FHIT: variants seen among roughly 807,000 people sequenced by gnomAD.
FHIT encodes bis(5'-adenosyl)-triphosphatase.
In FHIT, 19 loss-of-function variants were observed where a neutral mutation model predicts 17.9. That is an observed-to-expected ratio of 1.06 (90% CI 0.74 to 1.56). The LOEUF is 1.56. Among genes scored for constraint, FHIT ranks in the 40% most tolerant of loss-of-function variants. The pLI, the probability that FHIT is intolerant of heterozygous loss-of-function variation, is 0.00. For missense variants in FHIT, 248 were observed against 189.2 expected (o/e 1.31, Z -1.82); for synonymous variants, 81 against 69.7 (o/e 1.16, Z -0.81).
At chr3:59,769,392 G>C (rs758139201) in intron 8 of FHIT, among the ~76,000 whole-genome samples, 3 of 152,162 alleles carry the variant, frequency 2.0e-5, no homozygotes, top group Non-Finnish European at 4.4e-5. Flanking sequence ...GTGGGAACCT[G>C]CATCCCACCC....
chr3:60,795,718 T>A (rs1369261894), intron 4 of FHIT, among the ~76,000 whole-genome samples: 2 of 152,140 alleles, frequency 1.3e-5, no homozygotes, highest in Non-Finnish European at 2.9e-5. Flanking sequence ...TTTCACCATG[T>A]TACCCAGCCT....
chr3:59,808,052 G>T (rs975317873), intron 8 of FHIT, among the ~76,000 whole-genome samples: 3 of 151,998 alleles, frequency 2.0e-5, no homozygotes, highest in African/African-American at 7.3e-5. Context: ...TATCCCGAAG[G>T]GAAACCCTGC....
At chr3:60,493,226 G>C (rs1438708064) in intron 5 of FHIT, among the ~76,000 whole-genome samples, 2 of 152,186 alleles carry the variant, frequency 1.3e-5, no homozygotes, top group Non-Finnish European at 2.9e-5. Context: ...AGGACAAAAA[G>C]TGCCTATGAC....
chr3:61,132,429 A>C (rs546822389), intron 2 of FHIT, among the ~76,000 whole-genome samples: 1 of 152,352 alleles, frequency 6.6e-6, no homozygotes, highest in Non-Finnish European at 1.5e-5. Context: ...TGAGCACAAC[A>C]TAATCTTGGT....
At chr3:59,948,845 T>TCC (rs567802067) in intron 7 of FHIT, among the ~76,000 whole-genome samples, 1 of 152,122 alleles carries the variant, frequency 6.6e-6, no homozygotes, top group African/African-American at 2.4e-5. Flanking sequence ...GTTTTTTTTT[T>TCC]CCCCACAGTT....
intron 5 of FHIT, among the ~76,000 whole-genome samples, chr3:60,125,737 A>C (rs1172332593): frequency 6.6e-6 from 1 of 152,114 alleles, no homozygotes; most frequent in East Asian, 1.9e-4. Context: ...GTACTTACAA[A>C]ATGGGAGGAG....
At chr3:60,211,382 T>C (rs188873537) in intron 5 of FHIT, among the ~76,000 whole-genome samples, 189 of 152,198 alleles carry the variant, frequency 1.2e-3, no homozygotes, top group South Asian at 2.3e-3. Flanking sequence ...AAGGGAGATA[T>C]AGAAGTTATA....
At chr3:60,162,847 T>A (rs1700999796) in intron 5 of FHIT, among the ~76,000 whole-genome samples, 1 of 152,138 alleles carries the variant, frequency 6.6e-6, no homozygotes, top group South Asian at 2.1e-4. Flanking sequence ...GAGACCTGGA[T>A]TATAATTGGA....
intron 4 of FHIT, among the ~76,000 whole-genome samples, chr3:60,568,236 A>C (rs2107656325): frequency 6.6e-6 from 1 of 152,346 alleles, no homozygotes; most frequent in South Asian, 2.1e-4. Flanking sequence ...GACTGGATTA[A>C]CAAAATGTGG....
intron 5 of FHIT, among the ~76,000 whole-genome samples, chr3:60,120,165 A>G (rs911769204): frequency 1.3e-5 from 2 of 152,194 alleles, no homozygotes; most frequent in African/African-American, 4.8e-5. Context: ...CCCACAATAT[A>G]CAGCACAATG....
At chr3:60,406,348 G>A (rs1255490319) in intron 5 of FHIT, among the ~76,000 whole-genome samples, 1 of 152,106 alleles carries the variant, frequency 6.6e-6, no homozygotes, top group African/African-American at 2.4e-5. Flanking sequence ...AATCTTACAT[G>A]CAAACTCAAA....
intron 8 of FHIT, among the ~76,000 whole-genome samples, chr3:59,848,819 T>A (rs968420111): frequency 6.6e-6 from 1 of 152,226 alleles, no homozygotes; most frequent in Non-Finnish European, 1.5e-5. Context: ...CTTCCTTCAA[T>A]GCCCAGTAAC....
rs72877064 is a variant in FHIT, at chr3:59,995,731, C to A, written c.279+15640G>T. Among the ~76,000 whole-genome samples, 1,515 of 152,194 alleles carry A rather than the reference C, an allele frequency of 1.0e-2. 19 individuals are homozygous for A. The highest frequency in any genetic ancestry group is 0.035 in the African/African-American group (1,435 of 41,542). Reference sequence around the variant, plus strand: ...CCACCCTAAACCACACATACCTAAACCACACACAGCACCGGGTATACCTCA... The same window carrying A: ...CCACCCTAAACCACACATACCTAAAACACACACAGCACCGGGTATACCTCA... On this transcript the variant is annotated intron_variant, in intron 7 of 9. Transcript: ENST00000492590.
intron 4 of FHIT, among the ~76,000 whole-genome samples, chr3:60,582,174 T>A (rs1278377674): frequency 6.6e-6 from 1 of 152,094 alleles, no homozygotes; most frequent in Non-Finnish European, 1.5e-5. Flanking sequence ...TGGACTGGGG[T>A]GCAACCGAGA....
At chr3:60,588,644 A>C (rs2037983866) in intron 4 of FHIT, among the ~76,000 whole-genome samples, 1 of 151,796 alleles carries the variant, frequency 6.6e-6, no homozygotes, top group East Asian at 1.9e-4. Context: ...CGTGACTATA[A>C]TTTTTTTAAT....
chr3:60,091,616 G>C (rs1310649897), intron 5 of FHIT, among the ~76,000 whole-genome samples: 2 of 152,158 alleles, frequency 1.3e-5, no homozygotes, highest in African/African-American at 2.4e-5. Context: ...CTTAATGTTG[G>C]AAGTGGGGCA....
At chr3:60,173,915 A>ATATATATATATATATATTTTTTTTTTTT in intron 5 of FHIT, among the ~76,000 whole-genome samples, 8 of 66,422 alleles carry the variant, frequency 1.2e-4, no homozygotes, top group Admixed American at 2.1e-4. Context: ...ATATATATAT[A>ATATATATATATATATATTTTTTTTTTTT]TGTTTTTTTT....
At chr3:60,671,596 G>A (rs781883816) in intron 4 of FHIT, among the ~76,000 whole-genome samples, 5 of 151,788 alleles carry the variant, frequency 3.3e-5, no homozygotes, top group African/African-American at 7.3e-5. Flanking sequence ...AAAAAATCCC[G>A]CTCTTGATTC....
chr3:59,798,414 A>T (rs904792374), intron 8 of FHIT, among the ~76,000 whole-genome samples: 2 of 152,208 alleles, frequency 1.3e-5, no homozygotes, highest in African/African-American at 2.4e-5. Context: ...TCTCAGACAC[A>T]TGAATGCTAT....
Sources: gnomAD v4.1 joint callset for allele counts (sites outside exome capture counted in the v4.1 genomes callset) on GRCh38, gnomAD v4.1.1 for gene constraint, MANE v1.5 for transcripts, NCBI Gene and HGNC (gene_info 2026-07-23, HGNC 2026-07-21) for gene names.